RIN2: variants seen among roughly 807,000 people sequenced by gnomAD.
RIN2 encodes Ras and Rab interactor 2.
RIN2 carries 36 observed loss-of-function variants against 78.0 expected under a neutral mutation model. That is an observed-to-expected ratio of 0.46 (90% CI 0.35 to 0.61). The LOEUF (loss-of-function observed/expected upper bound fraction) is 0.61, where lower values mean the gene tolerates loss of function less well. Ranked by LOEUF, RIN2 falls within the 20% of genes least tolerant of loss-of-function variation. The pLI, the probability that RIN2 is intolerant of heterozygous loss-of-function variation, is 0.00. For synonymous variants in RIN2, 466 were observed against 466.8 expected, an observed-to-expected ratio of 1.00 and a Z score of 0.02; for missense variants, 1,087 against 1,159.7, an observed-to-expected ratio of 0.94 and a Z score of 0.91.
At chr20:19,857,819 C>CTAATAATAA (rs772800888) in intron 2 of RIN2, among the ~76,000 whole-genome samples, 1 of 151,442 alleles carries the variant, frequency 6.6e-6, no homozygotes, top group African/African-American at 2.4e-5. Context: ...GACCCTGTCT[C>CTAATAATAA]TAATAATAAT....
intron 1 of RIN2, among the ~76,000 whole-genome samples, chr20:19,758,928 AG>A (rs2033506614): frequency 6.6e-6 from 1 of 152,120 alleles, no homozygotes; most frequent in Non-Finnish European, 1.5e-5. Flanking sequence ...GTGTCCGGGC[AG>A]GGGGCACTTG....
At chr20:19,825,514 T>A (rs1745278530) in intron 2 of RIN2, among the ~76,000 whole-genome samples, 1 of 152,216 alleles carries the variant, frequency 6.6e-6, no homozygotes, top group South Asian at 2.1e-4. Flanking sequence ...GCTAGGCCTT[T>A]TGTGGCCAGG....
chr20:19,881,992 A>G (rs901861731), intron 2 of RIN2, among the ~76,000 whole-genome samples: 4 of 152,232 alleles, frequency 2.6e-5, no homozygotes, highest in Non-Finnish European at 5.9e-5. Flanking sequence ...TTCAGAATGA[A>G]ATGGGTGAAG....
At chr20:19,775,095 A>G (rs2034266576) in intron 1 of RIN2, among the ~76,000 whole-genome samples, 1 of 152,226 alleles carries the variant, frequency 6.6e-6, no homozygotes, top group Non-Finnish European at 1.5e-5. Flanking sequence ...AGCCTGTGAA[A>G]ACCCAAGGAG....
chr20:19,767,676 G>A (rs2033944664), intron 1 of RIN2, among the ~76,000 whole-genome samples: 1 of 151,216 alleles, frequency 6.6e-6, no homozygotes, highest in African/African-American at 2.5e-5. Context: ...GTAATCCCAG[G>A]ACTTTGTGGG....
At chr20:19,977,402 C>CA (rs374147311) in intron 9 of RIN2, among the ~76,000 whole-genome samples, 2 of 129,538 alleles carry the variant, frequency 1.5e-5, no homozygotes, top group African/African-American at 2.8e-5. Flanking sequence ...TCATTTTCTC[C>CA]AAAAAACATG....
chr20:19,771,319 AC>A (rs1349352120), intron 1 of RIN2, among the ~76,000 whole-genome samples: 1 of 152,192 alleles, frequency 6.6e-6, no homozygotes, highest in Non-Finnish European at 1.5e-5. Context: ...CAGAAACATC[AC>A]TTTGGAGATT....
intron 2 of RIN2, among the ~76,000 whole-genome samples, chr20:19,825,489 T>C (rs2036062904): frequency 6.6e-6 from 1 of 152,174 alleles, no homozygotes; most frequent in African/African-American, 2.4e-5. Flanking sequence ...AAACTAAACT[T>C]TTCTAGGCCC....
rs572189814 is a variant in RIN2, at chr20:19,956,707, T to C, written c.251T>C (p.Leu84Pro). 2 of 1,612,362 alleles carry C rather than the reference T, an allele frequency of 1.2e-6. No individual in the cohort carries two copies. The highest frequency in any genetic ancestry group is 2.2e-5 in the East Asian group (1 of 44,830). Residue 84 changes from leucine (L) to proline (P), a missense_variant, in exon 5 of 13, where the codon CTC becomes CCC. By Grantham distance (98) the Leu-to-Pro change is moderately conservative. Transcript: ENST00000255006. Reference protein sequence around the residue: ...DSGYDSLSNRLSILDRLLHTH... With the variant: ...DSGYDSLSNRPSILDRLLHTH... Reference sequence around the variant, plus strand: ...GGCTATGACAGCCTCTCCAACAGGCTCAGCATCTTGGACCGGCTCCTCCAC... The same window carrying C: ...GGCTATGACAGCCTCTCCAACAGGCCCAGCATCTTGGACCGGCTCCTCCAC...
intron 7 of RIN2, among the ~76,000 whole-genome samples, chr20:19,966,495 T>C (rs549221773): frequency 1.8e-3 from 277 of 152,228 alleles, no homozygotes; most frequent in Non-Finnish European, 3.0e-3. Context: ...AGCTAATTTT[T>C]GTATTTTTAG....
intron 4 of RIN2, among the ~76,000 whole-genome samples, chr20:19,951,239 G>T (rs1359708239): frequency 6.6e-6 from 1 of 152,136 alleles, no homozygotes; most frequent in Admixed American, 6.5e-5. Flanking sequence ...TGCACTCCAT[G>T]TAGTTACCAC....
intron 1 of RIN2, among the ~76,000 whole-genome samples, chr20:19,772,957 T>C (rs2034184764): frequency 6.6e-6 from 1 of 152,186 alleles, no homozygotes; most frequent in African/African-American, 2.4e-5. Context: ...ATTAATTTTC[T>C]AGGGTTGCTG....
chr20:19,885,987 AG>A (rs912520984), intron 2 of RIN2, among the ~76,000 whole-genome samples: 1 of 139,190 alleles, frequency 7.2e-6, no homozygotes, highest in Non-Finnish European at 1.5e-5. Flanking sequence ...AGGGTGGGGA[AG>A]GGACAGTAGA....
At chr20:19,895,439 A>G (rs1177461380) in intron 3 of RIN2, among the ~76,000 whole-genome samples, 1 of 152,164 alleles carries the variant, frequency 6.6e-6, no homozygotes, top group African/African-American at 2.4e-5. Context: ...TCAAGTGTGT[A>G]GAGTACCCCC....
chr20:19,869,081 CAAAAAAAAA>C (rs11413677), intron 2 of RIN2, among the ~76,000 whole-genome samples: 2 of 76,316 alleles, frequency 2.6e-5, no homozygotes, highest in Admixed American at 1.8e-4. Context: ...GACTCCGTCT[CAAAAAAAAA>C]AAAAAAAAAA....
Position 19,956,705 on chromosome 20 carries a change from G to T in RIN2, c.249G>T (p.Arg83Ser), listed in dbSNP as rs769359621. 1.2e-6 allele frequency: 2 copies of T among 1,612,406 alleles called. No individual in the cohort carries two copies. The highest frequency in any genetic ancestry group is 1.7e-6 in the Non-Finnish European group (2 of 1,179,302). ...CAGGCTATGACAGCCTCTCCAACAG[G>T]CTCAGCATCTTGGACCGGCTCCTCC... ...RDSGYDSLSNRLSILDRLLHT... is the reference protein window; with the variant it reads ...RDSGYDSLSNSLSILDRLLHT... Residue 83 changes from arginine to serine, a missense_variant, in exon 5 of 13, where the codon AGG (arginine) becomes AGT (serine). Around this residue, in one of 8 missense-constraint regions of RIN2, gnomAD observed 706 missense variants for 667.5 expected, o/e 1.06. Transcript: ENST00000255006.
At chr20:19,797,859 C>CTTTTT (rs750371451) in intron 1 of RIN2, among the ~76,000 whole-genome samples, 3 of 128,096 alleles carry the variant, frequency 2.3e-5, no homozygotes, top group Non-Finnish European at 4.9e-5. Flanking sequence ...TCTACTTAAT[C>CTTTTT]TTTTTTTTTT....
chr20:19,805,332 T>TG (rs2035373254), intron 2 of RIN2, among the ~76,000 whole-genome samples: 1 of 152,204 alleles, frequency 6.6e-6, no homozygotes, highest in African/African-American at 2.4e-5. Flanking sequence ...CGACAGACTG[T>TG]GTAGGATTCA....
At chr20:19,800,217 T>G (rs2035197602) in intron 2 of RIN2, among the ~76,000 whole-genome samples, 1 of 152,228 alleles carries the variant, frequency 6.6e-6, no homozygotes, top group African/African-American at 2.4e-5. Context: ...CCACCTTGCT[T>G]CCTGTTCTCC....
Sources: gnomAD v4.1 joint callset for allele counts (sites outside exome capture counted in the v4.1 genomes callset) on GRCh38, gnomAD v4.1.1 for gene constraint, gnomAD v4.1.1 regional missense constraint, MANE v1.5 for transcripts, NCBI Gene and HGNC (gene_info 2026-07-23, HGNC 2026-07-21) for gene names.